SORCS3: variants seen among roughly 807,000 people sequenced by gnomAD.
SORCS3 encodes VPS10 domain-containing receptor SorCS3.
Under a neutral mutation model 146.3 loss-of-function variants are expected in SORCS3, and 57 were observed. That is an observed-to-expected ratio of 0.39 (90% CI 0.31 to 0.49). The LOEUF (loss-of-function observed/expected upper bound fraction) is 0.49, where lower values mean the gene tolerates loss of function less well. Among genes scored for constraint, SORCS3 ranks in the 20% least tolerant of loss-of-function variants. The probability of loss-of-function intolerance (pLI) is 0.92; values close to 1 mark genes in which losing one functional copy is unlikely to be tolerated. For missense variants in SORCS3, 1,341 were observed against 1,575.5 expected (o/e 0.85, Z 2.52); for synonymous variants, 653 against 618.5 (o/e 1.06, Z -0.83).
chr10:105,061,293 T>A (rs2055484518), intron 5 of SORCS3, among the ~76,000 whole-genome samples: 1 of 88,360 alleles, frequency 1.1e-5, no homozygotes, highest in African/African-American at 4.6e-5. Context: ...TAAGTGGTGT[T>A]CCTTTTTTTT....
At chr10:104,658,082 C>T (rs1003348552) in intron 1 of SORCS3, among the ~76,000 whole-genome samples, 2 of 152,146 alleles carry the variant, frequency 1.3e-5, no homozygotes, top group African/African-American at 4.8e-5. Context: ...GCCTTTCTCC[C>T]TTCTGGTTTT....
intron 9 of SORCS3, among the ~76,000 whole-genome samples, chr10:105,150,243 T>C (rs2056159115): frequency 6.6e-6 from 1 of 152,142 alleles, no homozygotes; most frequent in Non-Finnish European, 1.5e-5. Context: ...CACAGCTTTA[T>C]TGCTTTTAAA....
rs2056236884 is a variant in SORCS3, at chr10:105,158,915, C to T, written c.1653C>T (p.His551=). The T allele has an allele frequency of 5.6e-6, 9 of 1,612,942 alleles. No homozygotes were observed. Among genetic ancestry groups the T allele is most frequent in the East Asian group, 2.2e-5 (1 of 44,836 alleles). The change falls in exon 11 of 27, where the codon CAC becomes CAT. Residue 551 remains histidine (H), a synonymous_variant. Coordinates refer to ENST00000369701, the MANE Select transcript of SORCS3 (RefSeq NM_014978.3). ...AGCCCTTCTGTTCCTTACATCTGCA[C>T]CTGCAACTCTCTGAAAATCCATATT... ...CLLPFCSLHL[H]LQLSENPYSS...
chr10:104,837,075 T>C (rs1302492333), intron 1 of SORCS3, among the ~76,000 whole-genome samples: 1 of 152,172 alleles, frequency 6.6e-6, no homozygotes, highest in East Asian at 1.9e-4. Context: ...ACATTTATCA[T>C]CTCATCCCTT....
intron 5 of SORCS3, among the ~76,000 whole-genome samples, chr10:105,087,845 C>T (rs889220822): frequency 2.2e-4 from 34 of 152,294 alleles, no homozygotes; most frequent in African/African-American, 3.4e-4. Flanking sequence ...AAATCACCTG[C>T]GACCTTTAAA....
intron 2 of SORCS3, among the ~76,000 whole-genome samples, chr10:104,858,913 A>G (rs912883035): frequency 2.8e-5 from 4 of 143,818 alleles, no homozygotes; most frequent in Middle Eastern, 3.3e-3. Flanking sequence ...GAGCCACCGC[A>G]CCTGGCCTGA....
intron 8 of SORCS3, among the ~76,000 whole-genome samples, chr10:105,144,941 G>C (rs1427241037): frequency 6.6e-6 from 1 of 152,078 alleles, no homozygotes; most frequent in Non-Finnish European, 1.5e-5. Flanking sequence ...TTTAGACAAA[G>C]GTTATATATT....
intron 3 of SORCS3, among the ~76,000 whole-genome samples, chr10:104,966,727 G>A (rs568392293): frequency 6.6e-6 from 1 of 152,160 alleles, no homozygotes; most frequent in South Asian, 2.1e-4. Context: ...AGCAAGAAAG[G>A]GTGCATTGTG....
intron 4 of SORCS3, among the ~76,000 whole-genome samples, chr10:105,031,652 G>A (rs1255010649): frequency 6.6e-6 from 1 of 152,128 alleles, no homozygotes; most frequent in Admixed American, 6.5e-5. Flanking sequence ...TTACCAAGAG[G>A]ATATTATTTC....
chr10:105,096,015 G>C (rs886228795), intron 6 of SORCS3, among the ~76,000 whole-genome samples: 2 of 151,712 alleles, frequency 1.3e-5, no homozygotes, highest in African/African-American at 4.8e-5. Flanking sequence ...TTGTTCATTG[G>C]TTCACAATCC....
chr10:104,892,186 TAG>T (rs2018755618), intron 2 of SORCS3, among the ~76,000 whole-genome samples: 1 of 152,188 alleles, frequency 6.6e-6, no homozygotes, highest in Non-Finnish European at 1.5e-5. Context: ...TTAGGAAACC[TAG>T]ATTGTAAGTA....
chr10:104,779,863 A>G (rs919647884), intron 1 of SORCS3, among the ~76,000 whole-genome samples: 10 of 152,156 alleles, frequency 6.6e-5, no homozygotes, highest in African/African-American at 1.9e-4. Context: ...GCGCTCCGCC[A>G]TGTTGATTGG....
rs764183671 is a variant in SORCS3, at chr10:105,043,144, A to G, written c.1028+16A>G. 1 of 1,606,002 alleles carries G rather than the reference A, an allele frequency of 6.2e-7. No individual in the cohort carries two copies. Among genetic ancestry groups the G allele is most frequent in the East Asian group, 2.2e-5 (1 of 44,834 alleles). On this transcript the variant is annotated intron_variant, in intron 5 of 26. Transcript: ENST00000369701. ...GGTTTTATTGGTAAGCCCTATCCACACACTCATTACTTCTTAGATAAAGAA... is the reference window on the plus strand; with the variant it reads ...GGTTTTATTGGTAAGCCCTATCCACGCACTCATTACTTCTTAGATAAAGAA...
At chr10:105,169,683 T>C (rs1314200439) in intron 13 of SORCS3, among the ~76,000 whole-genome samples, 2 of 152,058 alleles carry the variant, frequency 1.3e-5, no homozygotes, top group South Asian at 2.1e-4. Flanking sequence ...GTTGGTCTGG[T>C]AGGTAATTTT....
At chr10:104,975,777 T>C (rs938836120) in intron 3 of SORCS3, among the ~76,000 whole-genome samples, 2 of 152,142 alleles carry the variant, frequency 1.3e-5, no homozygotes, top group East Asian at 1.9e-4. Context: ...ACTATCTGAT[T>C]TTTGACAAAC....
At chr10:104,689,748 C>G (rs1413559624) in intron 1 of SORCS3, among the ~76,000 whole-genome samples, 1 of 152,118 alleles carries the variant, frequency 6.6e-6, no homozygotes, top group African/African-American at 2.4e-5. Flanking sequence ...CATCATATAC[C>G]CAACACCTGG....
At chr10:104,643,711 T>G (rs34639713) in intron 1 of SORCS3, among the ~76,000 whole-genome samples, 45,341 of 113,462 alleles carry the variant, frequency 0.4, 7,417 homozygotes, top group East Asian at 0.6. Context: ...ATAATTAGGG[T>G]GTGTGTGTGT....
At chr10:104,933,821 G>A (rs933854113) in intron 3 of SORCS3, among the ~76,000 whole-genome samples, 1 of 151,420 alleles carries the variant, frequency 6.6e-6, no homozygotes, top group Non-Finnish European at 1.5e-5. Context: ...TTCCTTTTTT[G>A]TCTTACTCTG....
intron 1 of SORCS3, among the ~76,000 whole-genome samples, chr10:104,804,205 A>G (rs2133512386): frequency 6.6e-6 from 1 of 152,344 alleles, no homozygotes; most frequent in East Asian, 1.9e-4. Flanking sequence ...TAGAATGCGA[A>G]TTTTGAAGAT....
Sources: allele counts gnomAD v4.1 joint callset (sites outside exome capture counted in the v4.1 genomes callset), GRCh38; gene constraint gnomAD v4.1.1; transcripts MANE v1.5; gene names NCBI Gene and HGNC (gene_info 2026-07-23, HGNC 2026-07-21).